Variants in GAD2 observed in about 807,000 individuals in gnomAD.
GAD2 encodes the protein glutamate decarboxylase 2.
Under a neutral mutation model 80.1 loss-of-function variants are expected in GAD2, and 22 were observed. The observed-to-expected ratio is 0.27, with a 90% CI of 0.20 to 0.39. The LOEUF is 0.39. Ranked by LOEUF, GAD2 falls within the 10% of genes least tolerant of loss-of-function variation. The pLI, the probability that GAD2 is intolerant of heterozygous loss-of-function variation, is 1.00. For synonymous variants in GAD2, 274 were observed against 256.9 expected, an observed-to-expected ratio of 1.07 and a Z score of -0.64; for missense variants, 624 against 738.4, an observed-to-expected ratio of 0.85 and a Z score of 1.80.
chr10:26,261,482 G>C (rs536386785), intron 8 of GAD2, among the ~76,000 whole-genome samples: 3 of 152,080 alleles, frequency 2.0e-5, no homozygotes, highest in South Asian at 2.1e-4. Context: ...TTAATCCTTC[G>C]TTAAATGTGT....
chr10:26,266,815 T>G (rs572797455), intron 8 of GAD2, among the ~76,000 whole-genome samples: 2 of 152,368 alleles, frequency 1.3e-5, no homozygotes, highest in South Asian at 4.1e-4. Flanking sequence ...CTTAAAATAT[T>G]TATCTTATCT....
chr10:26,259,622 A>G (rs1844986047), intron 8 of GAD2, among the ~76,000 whole-genome samples: 1 of 152,214 alleles, frequency 6.6e-6, no homozygotes, highest in South Asian at 2.1e-4. Context: ...TATCAGATAT[A>G]TAATTTGCAA....
intron 12 of GAD2, among the ~76,000 whole-genome samples, chr10:26,284,550 C>A (rs1439431945): frequency 6.8e-6 from 1 of 146,026 alleles, no homozygotes; most frequent in Non-Finnish European, 1.5e-5. Context: ...AGTAATGAGA[C>A]TGCGGCTGTT....
intron 8 of GAD2, among the ~76,000 whole-genome samples, chr10:26,255,614 AAGGAAGGGAGGG>A (rs1158959026): frequency 1.3e-4 from 17 of 133,144 alleles, no homozygotes; most frequent in African/African-American, 4.9e-4. Flanking sequence ...AGAAGGAAGG[AAGGAAGGGAGGG>A]AGGAAGGAAG....
intron 15 of GAD2, among the ~76,000 whole-genome samples, chr10:26,295,976 G>A (rs1834269519): frequency 6.6e-6 from 1 of 152,306 alleles, no homozygotes. Flanking sequence ...ATCTTAGCGT[G>A]GTTGAGCTGC....
intron 7 of GAD2, among the ~76,000 whole-genome samples, chr10:26,237,089 G>A (rs1021334680): frequency 4.6e-5 from 7 of 152,120 alleles, no homozygotes; most frequent in South Asian, 2.1e-4. Flanking sequence ...TGCTGCAGGC[G>A]CCAGGCGTTG....
intron 8 of GAD2, among the ~76,000 whole-genome samples, chr10:26,262,200 C>G (rs1387962247): frequency 6.6e-6 from 1 of 150,780 alleles, no homozygotes. Context: ...AATTTACTAT[C>G]TGGGCCTGGC....
At chr10:26,300,443 T>TC (rs1834316798) in intron 15 of GAD2, among the ~76,000 whole-genome samples, 1 of 152,174 alleles carries the variant, frequency 6.6e-6, no homozygotes, top group Non-Finnish European at 1.5e-5. Flanking sequence ...TTACATTTAC[T>TC]GTGGGGGGAA....
At chr10:26,266,096 G>C (rs549694477) in intron 8 of GAD2, among the ~76,000 whole-genome samples, 3 of 152,232 alleles carry the variant, frequency 2.0e-5, no homozygotes, top group Admixed American at 1.3e-4. Context: ...GGTGACTGAT[G>C]AACATGCAAA....
At chr10:26,261,806 T>A (rs1425492926) in intron 8 of GAD2, among the ~76,000 whole-genome samples, 1 of 152,168 alleles carries the variant, frequency 6.6e-6, no homozygotes, top group Non-Finnish European at 1.5e-5. Flanking sequence ...CACTTCCTTC[T>A]CTTCTGGAAT....
chr10:26,290,535 G>A (rs190234504), intron 13 of GAD2, among the ~76,000 whole-genome samples: 27 of 152,298 alleles, frequency 1.8e-4, no homozygotes, highest in African/African-American at 6.3e-4. Context: ...ACTGAAGGGC[G>A]ACTTGGGAGC....
At chr10:26,297,199 T>C (rs1834284329) in intron 15 of GAD2, among the ~76,000 whole-genome samples, 1 of 152,204 alleles carries the variant, frequency 6.6e-6, no homozygotes, top group Non-Finnish European at 1.5e-5. Context: ...AGTGCTGGGA[T>C]TACAGGCATG....
chr10:26,269,240 GT>G, intron 9 of GAD2, 67 bp downstream of exon 9: 1 of 1,346,612 alleles, frequency 7.4e-7, no homozygotes. Context: ...AACAAAATGT[GT>G]TTTGGTTTTA....
intron 15 of GAD2, among the ~76,000 whole-genome samples, chr10:26,296,910 G>A (rs969867549): frequency 6.2e-5 from 9 of 146,168 alleles, no homozygotes; most frequent in Admixed American, 2.7e-4. Flanking sequence ...TGAAATTTTC[G>A]CATATTAGAA....
chr10:26,275,454 CAG>C (rs759599094), intron 11 of GAD2, among the ~76,000 whole-genome samples: 69 of 152,320 alleles, frequency 4.5e-4, no homozygotes, highest in Non-Finnish European at 9.3e-4. Flanking sequence ...TCAGGGAACA[CAG>C]AGTTTCCTCT....
chr10:26,287,097 A>G (rs4747549), intron 13 of GAD2, among the ~76,000 whole-genome samples: 35,865 of 152,096 alleles, frequency 0.24, 4,754 homozygotes, highest in African/African-American at 0.35. Context: ...GGACTTGCTT[A>G]GACTTAATTG....
At chr10:26,278,931 C>A (rs56194212) in intron 11 of GAD2, among the ~76,000 whole-genome samples, 4,591 of 151,834 alleles carry the variant, frequency 0.03, 241 homozygotes, top group African/African-American at 0.1. Context: ...TTCCCAAGGC[C>A]ATCACACCCG....
At chr10:26,249,986 A>G (rs1294737648) in intron 8 of GAD2, among the ~76,000 whole-genome samples, 1 of 151,990 alleles carries the variant, frequency 6.6e-6, no homozygotes, top group African/African-American at 2.4e-5. Flanking sequence ...GTGACTGGCC[A>G]GGGGGCCTCA....
At chr10:26,295,643 A>G (rs1365192650) in intron 15 of GAD2, among the ~76,000 whole-genome samples, 2 of 152,104 alleles carry the variant, frequency 1.3e-5, no homozygotes, top group African/African-American at 2.4e-5. Context: ...ATTTAAATCA[A>G]TTAAAATTAA....
Sources: gnomAD v4.1 joint callset for allele counts (sites outside exome capture counted in the v4.1 genomes callset) on GRCh38, gnomAD v4.1.1 for gene constraint, MANE v1.5 for transcripts, NCBI Gene and HGNC (gene_info 2026-07-23, HGNC 2026-07-21) for gene names.